The following CUL9 variants were observed in gnomAD, a reference collection of about 807,000 sequenced individuals.
CUL9 encodes the protein cullin 9.
Under a neutral mutation model 272.6 loss-of-function variants are expected in CUL9, and 79 were observed. The observed-to-expected ratio is 0.29, with a 90% CI of 0.24 to 0.35. CUL9 has a LOEUF of 0.35. Among genes scored for constraint, CUL9 ranks in the 10% least tolerant of loss-of-function variants. The pLI is 1.00. For missense variants in CUL9, 2,532 were observed against 3,255.6 expected (o/e 0.78, Z 5.41); for synonymous variants, 1,186 against 1,286.5 (o/e 0.92, Z 1.67).
At chr6:43,209,147 CTT>C (rs59098026) in intron 26 of CUL9, among the ~76,000 whole-genome samples, 20 of 130,966 alleles carry the variant, frequency 1.5e-4, no homozygotes, top group East Asian at 2.2e-4. Flanking sequence ...TTCTTTCTTT[CTT>C]TTTTTTTTTT....
At chr6:43,183,733 CCTTCCT>C (rs1471853218) in intron 1 of CUL9, among the ~76,000 whole-genome samples, 1 of 150,840 alleles carries the variant, frequency 6.6e-6, no homozygotes, top group African/African-American at 2.5e-5. Flanking sequence ...TTCCTTCCTT[CCTTCCT>C]CTCTCTCTCT....
In CUL9 at chr6:43,222,160, G is replaced by A. The variant is rs1364481237; in HGVS notation, c.6847-156G>A. 1.2e-5 allele frequency: 8 copies of A among 680,142 alleles called. No homozygotes were observed. The South Asian group carries it at 1.4e-4, about 12-fold the overall frequency. The allele number at this position is 680,142 out of a possible 1,614,324, so 42.1% of individuals were successfully genotyped here. A position where few individuals can be genotyped will look rare whatever the true frequency, so the allele number is the denominator to read the frequency against. On this transcript the variant is annotated intron_variant, in intron 35 of 40. Coordinates refer to ENST00000252050, the MANE Select transcript of CUL9 (RefSeq NM_015089.4). Reference sequence around the variant, plus strand: ...AGCCTCAACAGCCTCTGCAAAAGGGGTGAATAATATGACCTACTCCACACA... The same window carrying A: ...AGCCTCAACAGCCTCTGCAAAAGGGATGAATAATATGACCTACTCCACACA...
In CUL9 at chr6:43,222,354, C is replaced by G; in HGVS notation, c.6885C>G (p.Asp2295Glu). Reference protein sequence around the residue: ...KAARQEKRFQDYNERCTFHHQ... With the variant: ...KAARQEKRFQEYNERCTFHHQ... ...CTCGCCAGGAGAAGCGGTTTCAGGA[C>G]TATAATGAGAGGTGCACTTTCCATC... The change falls in exon 36 of 41, where the codon GAC becomes GAG. Residue 2295 changes from aspartate (D) to glutamate (E), a missense_variant. By Grantham distance (45) the Asp-to-Glu change is conservative. Around this residue, in one of 3 missense-constraint regions of CUL9, gnomAD observed 237 missense variants for 305.9 expected, o/e 0.77. Coordinates refer to ENST00000252050, the MANE Select transcript of CUL9 (RefSeq NM_015089.4). The G allele has an allele frequency of 6.2e-7, 1 of 1,610,574 alleles. No individual in the cohort carries two copies. The highest frequency in any genetic ancestry group is 1.7e-4 in the Middle Eastern group (1 of 6,054).
chr6:43,187,127 C>T, intron 5 of CUL9, 32 bp downstream of exon 5: 1 of 1,611,990 alleles, frequency 6.2e-7, no homozygotes, highest in Non-Finnish European at 8.5e-7. Context: ...GATAGCATGT[C>T]TCTGAACAGA....
Position 43,196,673 on chromosome 6 carries a change from C to G in CUL9, c.2614C>G (p.Leu872Val). 1 of 1,614,212 alleles carries G rather than the reference C, an allele frequency of 6.2e-7. No individual in the cohort carries two copies. Among genetic ancestry groups the G allele is most frequent in the Non-Finnish European group, 8.5e-7 (1 of 1,180,028 alleles). The change falls in exon 11 of 41, where the codon CTC (leucine) becomes GTC (valine). Residue 872 changes from leucine to valine, a missense_variant. By Grantham distance (32) the Leu-to-Val change is conservative (BLOSUM62 1). Around this residue, in one of 3 missense-constraint regions of CUL9, gnomAD observed 2,218 missense variants for 2,788.6 expected, o/e 0.80. Transcript: ENST00000252050. ...GCSSAARNGLLLLNLLLCNHH... is the reference protein window; with the variant it reads ...GCSSAARNGLVLLNLLLCNHH... ...CTCTTCTGCAGCGAGAAATGGCTTA[C>G]TCCTGCTCAACCTACTTTTGTGCAA... is the stretch of plus-strand genomic sequence containing the variant.
Position 43,206,341 on chromosome 6 carries a change from A to G in CUL9, c.5043A>G (p.Glu1681=), listed in dbSNP as rs1401765931. Residue 1681 remains glutamate, a synonymous_variant, in exon 26 of 41, where the codon GAA becomes GAG. Transcript: ENST00000252050. The surrounding 1 kb of genome is among the most constrained non-coding windows in gnomAD (Gnocchi z 4.8). Reference sequence around the variant, plus strand: ...CTCAGGAGGAAGAGGAGGAAGAGGAAGCTGAGAAAGAATTATTTATCGAAG... The same window carrying G: ...CTCAGGAGGAAGAGGAGGAAGAGGAGGCTGAGAAAGAATTATTTATCGAAG... ...EEEEEEEEEE[E]AEKELFIEDP... is the part of the protein sequence containing the mutation. 1.2e-6 allele frequency: 2 copies of G among 1,614,008 alleles called. No individual in the cohort carries two copies. The highest frequency in any genetic ancestry group is 1.7e-6 in the Non-Finnish European group (2 of 1,180,018).
Position 43,184,732 on chromosome 6 carries a change from C to G in CUL9, c.422C>G (p.Ala141Gly). ...AGTGGGACCCCAAGCCTCACGGCCG[C>G]TGTGCTTCACACCATCCACGTGCTC... The part of the protein sequence containing the change: ...AESGTPSLTA[A>G]VLHTIHVLSA... Residue 141 changes from alanine to glycine, a missense_variant, in exon 2 of 41, where the codon GCT becomes GGT. Around this residue, in one of 3 missense-constraint regions of CUL9, gnomAD observed 2,218 missense variants for 2,788.6 expected, o/e 0.80. Transcript: ENST00000252050. This position sits in a 1 kb window ranked among gnomAD's most constrained non-coding sequence, Gnocchi z 4.8. 1 of 1,614,210 alleles carries G rather than the reference C, an allele frequency of 6.2e-7. No individual in the cohort carries two copies. Among genetic ancestry groups the G allele is most frequent in the South Asian group, 1.1e-5 (1 of 91,090 alleles).
In CUL9 at chr6:43,188,665, G is replaced by A. The variant is rs375721121; in HGVS notation, c.2130G>A (p.Glu710=). ...SGLSALSQAV[E]EVTERDHPLV... is the part of the protein sequence containing the mutation. ...TCTCTGCCCTCTCTCAGGCTGTGGA[G>A]GAGGTCACTGAGCGGGACCACCCTC... The change falls in exon 8 of 41, where the codon GAG becomes GAA. Residue 710 remains glutamate (E), a synonymous_variant. Coordinates refer to ENST00000252050, the MANE Select transcript of CUL9 (RefSeq NM_015089.4). 4.3e-6 allele frequency: 7 copies of A among 1,614,008 alleles called. No individual in the cohort carries two copies. In the South Asian group the frequency reaches 4.4e-5, roughly 10 times the overall value.
At chr6:43,192,775 T>G (rs965258020) in intron 8 of CUL9, among the ~76,000 whole-genome samples, 4 of 152,180 alleles carry the variant, frequency 2.6e-5, no homozygotes, top group African/African-American at 9.7e-5. Context: ...TTTATAAACA[T>G]TTTTTCTAAT....
rs1229266552 is a variant in CUL9 at position 43,206,985 on chromosome 6, C to T, written c.5212+475C>T. Among the ~76,000 whole-genome samples, 1 of 152,166 alleles carries T rather than the reference C, an allele frequency of 6.6e-6. No individual in the cohort carries two copies. The highest frequency in any genetic ancestry group is 6.5e-5 in the Admixed American group (1 of 15,272). ...TCAGCCTCCCAAGTAGCTGGGACTA[C>T]AGGCGTATGCCACCACACCCGGCTA... On this transcript the variant is annotated intron_variant, in intron 26 of 40. Coordinates refer to ENST00000252050, the MANE Select transcript of CUL9 (RefSeq NM_015089.4). The surrounding 1 kb of genome is among the most constrained non-coding windows in gnomAD (Gnocchi z 4.8).
chr6:43,212,800 A>G, intron 26 of CUL9: 1 of 222,190 alleles, frequency 4.5e-6, no homozygotes, highest in East Asian at 1.2e-4. Context: ...ACCTTGCCTG[A>G]GCTGTGAAAC....
chr6:43,214,044 C>T, intron 29 of CUL9, 132 bp downstream of exon 29: 1 of 869,670 alleles, frequency 1.1e-6, no homozygotes, highest in Non-Finnish European at 1.8e-6. Flanking sequence ...CTGTTCCTGA[C>T]AGAGCAGATA....
rs753240623 is a variant in CUL9, at chr6:43,188,516, A to G, written c.1988-7A>G. 4 of 1,578,978 alleles carry G rather than the reference A, an allele frequency of 2.5e-6. No homozygotes were observed. The highest frequency in any genetic ancestry group is 3.4e-6 in the Non-Finnish European group (4 of 1,163,160). On this transcript the variant is annotated splice_polypyrimidine_tract_variant and splice_region_variant and intron_variant, in intron 7 of 40. Transcript: ENST00000252050. ...TTTTAGCCATTGCCTTTTCCCACCA[A>G]TTTCAGAAATGGCCAGAGCCTTGCG...
At chr6:43,222,991 T>C in intron 38 of CUL9, 95 bp downstream of exon 38, 1 of 1,036,842 alleles carries the variant, frequency 9.6e-7, no homozygotes, top group Non-Finnish European at 1.5e-6. Context: ...CACCCTTACC[T>C]TCCCTCTCTC....
Position 43,220,993 on chromosome 6 carries a change from CAG to C in CUL9, c.6588+84_6588+85del. ...TAATATCCCCACCCCGCCACACACACAGACTGTGACTTGTCCTTCCTCAGCCT... is the reference window on the plus strand; with the variant it reads ...TAATATCCCCACCCCGCCACACACACACTGTGACTTGTCCTTCCTCAGCCT... On this transcript the variant is annotated intron_variant, in intron 33 of 40. Transcript: ENST00000252050. This position sits in a 1 kb window ranked among gnomAD's most constrained non-coding sequence, Gnocchi z 4.9. The C allele has an allele frequency of 2.0e-6, 3 of 1,488,226 alleles. No homozygotes were observed. The highest frequency in any genetic ancestry group is 1.8e-6 in the Non-Finnish European group (2 of 1,110,740). The allele number at this position is 1,488,226 out of a possible 1,614,324, so 92.2% of individuals were successfully genotyped here. A position where few individuals can be genotyped will look rare whatever the true frequency, so the allele number is the denominator to read the frequency against.
rs758931514 is a variant in CUL9 at position 43,220,604 on chromosome 6, C to A, written c.6423+5C>A. Reference sequence around the variant, plus strand: ...TCGCCAGAGGTCATCTCCAAGGTATCCCCTCTCGTCTGAGAGAGGCTCCAG... The same window carrying A: ...TCGCCAGAGGTCATCTCCAAGGTATACCCTCTCGTCTGAGAGAGGCTCCAG... On this transcript the variant is annotated splice_donor_5th_base_variant and intron_variant, in intron 32 of 40. Transcript: ENST00000252050. The surrounding 1 kb of genome is among the most constrained non-coding windows in gnomAD (Gnocchi z 4.9). 2 of 1,613,894 alleles carry A rather than the reference C, an allele frequency of 1.2e-6. No homozygotes were observed. The highest frequency in any genetic ancestry group is 1.7e-6 in the Non-Finnish European group (2 of 1,179,906).
chr6:43,186,389 TGAG>T lies in CUL9; in HGVS notation c.1189_1191del (p.Glu397del). On this transcript the variant is annotated inframe_deletion, in exon 4 of 41. Coordinates refer to ENST00000252050, the MANE Select transcript of CUL9 (RefSeq NM_015089.4). ...TGCGAGTGCGGATGCTGGATGATTA[TGAG>T]GAGATCAGTGCTGGGGACGAGGGCG... is the stretch of plus-strand genomic sequence containing the variant. 6.2e-7 allele frequency: 1 copy of T among 1,613,424 alleles called. No individual in the cohort carries two copies. Among genetic ancestry groups the T allele is most frequent in the Non-Finnish European group, 8.5e-7 (1 of 1,179,474 alleles).
intron 7 of CUL9, 189 bp from the exon 8 acceptor site, chr6:43,188,334 G>A (rs1157885032): frequency 1.1e-5 from 9 of 788,734 alleles, no homozygotes; most frequent in East Asian, 2.7e-5. Flanking sequence ...AGGAGGATCC[G>A]TTTTCTGGGG....
chr6:43,211,595 T>C (rs1775495540), intron 26 of CUL9, among the ~76,000 whole-genome samples: 1 of 152,150 alleles, frequency 6.6e-6, no homozygotes, highest in African/African-American at 2.4e-5. Context: ...ATTGAGGAGT[T>C]TGGTGGAAAA....
Sources: gnomAD v4.1 joint callset for allele counts (sites outside exome capture counted in the v4.1 genomes callset) on GRCh38, gnomAD v4.1.1 for gene constraint, gnomAD v4.1.1 regional missense constraint, Gnocchi (gnomAD v3.1) non-coding constraint, MANE v1.5 for transcripts, NCBI Gene and HGNC (gene_info 2026-07-23, HGNC 2026-07-21) for gene names.